Variants in KCNG3 observed in about 807,000 individuals in gnomAD.
KCNG3 encodes potassium voltage-gated channel modifier subfamily G member 3.
Under a neutral mutation model 29.0 loss-of-function variants are expected in KCNG3, and 15 were observed. The ratio of observed to expected loss-of-function variants is 0.52; its 90% confidence interval spans 0.35 to 0.80. The LOEUF is 0.80. Among genes scored for constraint, KCNG3 ranks in the 30% least tolerant of loss-of-function variants. KCNG3 has a pLI of 0.01. For synonymous variants in KCNG3, 322 were observed against 248.9 expected (o/e 1.29, Z -2.76); for missense variants, 512 against 605.7 (o/e 0.85, Z 1.62).
At chr2:42,408,308 C>T in the KCNG3 span, among the ~76,000 whole-genome samples, 2 of 152,170 alleles carry the variant, frequency 1.3e-5, no homozygotes, top group South Asian at 4.1e-4. Context: ...GGCTGGGCTG[C>T]CTGTCCCGCA....
chr2:42,419,740 C>T, the KCNG3 span, among the ~76,000 whole-genome samples: 1 of 152,200 alleles, frequency 6.6e-6, no homozygotes, highest in Non-Finnish European at 1.5e-5. Flanking sequence ...GCTCTGTAGA[C>T]ATAACTTCAA....
At chr2:42,491,096 T>C (rs1431915193) in intron 1 of KCNG3, among the ~76,000 whole-genome samples, 1 of 152,234 alleles carries the variant, frequency 6.6e-6, no homozygotes, top group African/African-American at 2.4e-5. Flanking sequence ...TGAATAATTA[T>C]ACACATACAT....
intron 1 of KCNG3, among the ~76,000 whole-genome samples, chr2:42,485,759 A>G (rs1413916238): frequency 6.6e-6 from 1 of 152,172 alleles, no homozygotes; most frequent in African/African-American, 2.4e-5. Context: ...ATGCTTAGTC[A>G]TTTTAAAAAA....
chr2:42,448,105 A>G (rs1979754), intron 1 of KCNG3, among the ~76,000 whole-genome samples: 58,891 of 152,008 alleles, frequency 0.39, 11,718 homozygotes, highest in Middle Eastern at 0.54. Context: ...TATTTTGAGC[A>G]ATGTTGAGCA....
At chr2:42,421,030 C>T in the KCNG3 span, among the ~76,000 whole-genome samples, 1 of 152,120 alleles carries the variant, frequency 6.6e-6, no homozygotes, top group Non-Finnish European at 1.5e-5. Context: ...CCATAAAACG[C>T]TACCACACAA....
In KCNG3 at chr2:42,446,284, C is replaced by T. The variant is rs368283957; in HGVS notation, c.666-1705G>A. Among the ~76,000 whole-genome samples, 4 of 151,964 alleles carry T rather than the reference C, an allele frequency of 2.6e-5. No individual in the cohort carries two copies. The East Asian group carries it at 5.8e-4, about 22-fold the overall frequency. On this transcript the variant is annotated intron_variant, in intron 1 of 1. Coordinates refer to ENST00000306078, the MANE Select transcript of KCNG3 (RefSeq NM_133329.6). ...CTCTGCCGCCTGGGTTCAAGCAATT[C>T]TCGTGCCTCACCCTCCCAAGTAGCT... is the stretch of plus-strand genomic sequence containing the variant.
At chr2:42,477,388 T>TATATACACACACAC (rs1287875177) in intron 1 of KCNG3, among the ~76,000 whole-genome samples, 1 of 104,768 alleles carries the variant, frequency 9.5e-6, no homozygotes, top group African/African-American at 4.0e-5. Flanking sequence ...CACATATATA[T>TATATACACACACAC]ACACACACAC....
chr2:42,396,873 T>C, the KCNG3 span, among the ~76,000 whole-genome samples: 3 of 152,186 alleles, frequency 2.0e-5, no homozygotes, highest in East Asian at 1.9e-4. Context: ...TGATTTGTTA[T>C]AGTAAAAAAA....
chr2:42,488,588 C>T (rs1011402834), intron 1 of KCNG3, among the ~76,000 whole-genome samples: 3 of 148,104 alleles, frequency 2.0e-5, no homozygotes, highest in African/African-American at 5.0e-5. Flanking sequence ...CTCACTTTAT[C>T]GCCCAGGCTG....
chr2:42,479,212 A>G lies in KCNG3; in HGVS notation c.665+13625T>C, dbSNP rs1300432416. Among the ~76,000 whole-genome samples the G allele has an allele frequency of 6.6e-5, 10 of 152,270 alleles. No individual in the cohort carries two copies. The East Asian group carries it at 1.9e-3, about 29-fold the overall frequency. ...TACGAAGTCAGACTCAAGAATAGCT[A>G]AACTTTCTTTCTCTAGGATAGATAC... On this transcript the variant is annotated intron_variant, in intron 1 of 1. Transcript: ENST00000306078.
chr2:42,477,884 AT>A (rs529814905), intron 1 of KCNG3, among the ~76,000 whole-genome samples: 102 of 39,208 alleles, frequency 2.6e-3, no homozygotes, highest in African/African-American at 8.7e-3. Context: ...GTCTCAAAAA[AT>A]ATATATATAT....
chr2:42,409,699 CA>C, the KCNG3 span, among the ~76,000 whole-genome samples: 112 of 51,972 alleles, frequency 2.2e-3, no homozygotes, highest in Middle Eastern at 0.02. Context: ...GTGCCTGTCT[CA>C]AAAAAAAAAA....
intron 1 of KCNG3, among the ~76,000 whole-genome samples, chr2:42,485,463 A>G (rs1673696952): frequency 7.1e-6 from 1 of 140,360 alleles, no homozygotes; most frequent in African/African-American, 2.7e-5. Flanking sequence ...TTTTTTTTTT[A>G]AGACGGAGTC....
chr2:42,411,881 T>C, the KCNG3 span, among the ~76,000 whole-genome samples: 1 of 152,234 alleles, frequency 6.6e-6, no homozygotes, highest in Non-Finnish European at 1.5e-5. Flanking sequence ...CTCTGTTTCC[T>C]ACTGAAATAC....
the KCNG3 span, among the ~76,000 whole-genome samples, chr2:42,428,859 C>G: frequency 6.6e-6 from 1 of 152,182 alleles, no homozygotes; most frequent in Non-Finnish European, 1.5e-5. Context: ...TGGCTTGTGC[C>G]TGTAATCCCA....
At chr2:42,446,029 C>A (rs1264010263) in intron 1 of KCNG3, among the ~76,000 whole-genome samples, 1 of 151,670 alleles carries the variant, frequency 6.6e-6, no homozygotes, top group African/African-American at 2.4e-5. Flanking sequence ...ACCCAGCCAA[C>A]GGGTAGGATT....
intron 1 of KCNG3, among the ~76,000 whole-genome samples, chr2:42,490,014 T>C (rs1673831714): frequency 1.3e-5 from 2 of 152,214 alleles, no homozygotes; most frequent in South Asian, 4.1e-4. Context: ...TGTACTACTT[T>C]ATATGCATAA....
In KCNG3 at chr2:42,493,052, G is replaced by C. The variant is rs765876589; in HGVS notation, c.450C>G (p.Ser150=). Residue 150 remains serine, a synonymous_variant, in exon 1 of 2, where the codon TCC becomes TCG. Coordinates refer to ENST00000306078, the MANE Select transcript of KCNG3 (RefSeq NM_133329.6). The part of the protein sequence containing the change: ...ARPGGAEAAP[S]RRWLERMRRT... ...GCCGCATGCGCTCCAGCCAGCGCCT[G>C]GAGGGAGCCGCCTCGGCCCCGCCGG... 4.6e-6 allele frequency: 7 copies of C among 1,525,484 alleles called. No homozygotes were observed. The highest frequency in any genetic ancestry group is 1.4e-5 in the African/African-American group (1 of 71,518). 94.5% of individuals were successfully genotyped at this position (1,525,484 alleles called of 1,614,324 possible). A position where few individuals can be genotyped will look rare whatever the true frequency, so the allele number is the denominator to read the frequency against.
the KCNG3 span, among the ~76,000 whole-genome samples, chr2:42,405,700 C>T: frequency 1.0e-3 from 154 of 152,218 alleles, no homozygotes; most frequent in Non-Finnish European, 2.5e-4. Context: ...CTCCGCCTCC[C>T]GGGTTCACGC....
Sources: allele counts gnomAD v4.1 joint callset (sites outside exome capture counted in the v4.1 genomes callset), GRCh38; gene constraint gnomAD v4.1.1; transcripts MANE v1.5; gene names NCBI Gene and HGNC (gene_info 2026-07-23, HGNC 2026-07-21).